The following NRXN1 variants were observed in gnomAD, a reference collection of about 807,000 sequenced individuals.
NRXN1 encodes the protein neurexin-1.
Under a neutral mutation model 150.9 loss-of-function variants are expected in NRXN1, and 39 were observed. The observed-to-expected ratio is 0.26, with a 90% confidence interval of 0.20 to 0.34. NRXN1 has a LOEUF of 0.34. Ranked by LOEUF, NRXN1 falls within the 10% of genes least tolerant of loss-of-function variation. The pLI is 1.00. For missense variants in NRXN1, 1,815 were observed against 1,949.9 expected, an observed-to-expected ratio of 0.93 and a Z score of 1.30; for synonymous variants, 924 against 757.0, an observed-to-expected ratio of 1.22 and a Z score of -3.62.
intron 2 of NRXN1, among the ~76,000 whole-genome samples, chr2:50,969,514 C>G (rs1175770031): frequency 6.6e-6 from 1 of 151,990 alleles, no homozygotes; most frequent in African/African-American, 2.4e-5. Flanking sequence ...GTATTAATAT[C>G]TTTCAGGAAA....
intron 21 of NRXN1, among the ~76,000 whole-genome samples, chr2:49,993,328 T>C (rs977939527): frequency 1.3e-5 from 2 of 152,218 alleles, no homozygotes; most frequent in South Asian, 4.1e-4. Flanking sequence ...TAATATGGTA[T>C]AATTCCAACC....
At chr2:50,365,915 G>C (rs2079547596) in intron 17 of NRXN1, among the ~76,000 whole-genome samples, 1 of 152,022 alleles carries the variant, frequency 6.6e-6, no homozygotes, top group South Asian at 2.1e-4. Context: ...AATAGAATAA[G>C]GAACTATGCA....
At chr2:50,058,234 G>T (rs1476532457) in intron 19 of NRXN1, among the ~76,000 whole-genome samples, 2 of 152,108 alleles carry the variant, frequency 1.3e-5, no homozygotes, top group East Asian at 3.9e-4. Flanking sequence ...AATTCCCAAT[G>T]ATTAACAGAG....
chr2:50,622,522 T>G (rs1680215045), intron 6 of NRXN1, among the ~76,000 whole-genome samples: 1 of 152,170 alleles, frequency 6.6e-6, no homozygotes, highest in Admixed American at 6.5e-5. Flanking sequence ...TACCCAAAAC[T>G]TATAATGTTC....
chr2:49,987,819 TA>T (rs1681194573), intron 21 of NRXN1, among the ~76,000 whole-genome samples: 1 of 152,044 alleles, frequency 6.6e-6, no homozygotes, highest in African/African-American at 2.4e-5. Flanking sequence ...CTAGAGAAGT[TA>T]TTATTATACA....
intron 18 of NRXN1, among the ~76,000 whole-genome samples, chr2:50,226,970 T>A (rs1183539026): frequency 6.6e-6 from 1 of 152,006 alleles, no homozygotes; most frequent in Non-Finnish European, 1.5e-5. Flanking sequence ...TCTAGGCTCA[T>A]GCTGGGCTCT....
intron 5 of NRXN1, among the ~76,000 whole-genome samples, chr2:50,905,601 T>G (rs1226973966): frequency 6.6e-6 from 1 of 152,104 alleles, no homozygotes; most frequent in Admixed American, 6.6e-5. Context: ...CCAATATTTC[T>G]AATGACACTG....
chr2:49,931,576 T>G (rs569764444), intron 22 of NRXN1, among the ~76,000 whole-genome samples: 4 of 152,092 alleles, frequency 2.6e-5, no homozygotes, highest in African/African-American at 9.6e-5. Context: ...GTCCTGTTGC[T>G]ATTGGAATTG....
intron 2 of NRXN1, among the ~76,000 whole-genome samples, chr2:50,976,217 A>C (rs1344827978): frequency 2.0e-5 from 3 of 149,356 alleles, no homozygotes; most frequent in African/African-American, 7.4e-5. Context: ...TTTCTTAGAA[A>C]CTCACTAGGT....
At chr2:50,820,173 G>A (rs979931760) in intron 5 of NRXN1, among the ~76,000 whole-genome samples, 1 of 151,940 alleles carries the variant, frequency 6.6e-6, no homozygotes, top group Admixed American at 6.6e-5. Flanking sequence ...AAATTGCTCT[G>A]GACCATCCTG....
At chr2:49,954,093 T>G (rs1277218488) in intron 21 of NRXN1, among the ~76,000 whole-genome samples, 1 of 152,164 alleles carries the variant, frequency 6.6e-6, no homozygotes, top group African/African-American at 2.4e-5. Flanking sequence ...CTCCGGATAG[T>G]GCTTGAAGAG....
intron 5 of NRXN1, among the ~76,000 whole-genome samples, chr2:50,656,651 C>G (rs2104603539): frequency 6.6e-6 from 1 of 151,946 alleles, no homozygotes; most frequent in South Asian, 2.1e-4. Flanking sequence ...TCATCACCAC[C>G]ATTAATTTCA....
chr2:50,219,555 T>C (rs1358015790), intron 18 of NRXN1, among the ~76,000 whole-genome samples: 3 of 151,692 alleles, frequency 2.0e-5, no homozygotes, highest in Non-Finnish European at 2.9e-5. Flanking sequence ...AACAAACACA[T>C]CAACTTTACA....
At chr2:50,728,723 T>C (rs888199812) in intron 5 of NRXN1, among the ~76,000 whole-genome samples, 14 of 152,136 alleles carry the variant, frequency 9.2e-5, no homozygotes, top group African/African-American at 2.9e-4. Flanking sequence ...ACTTGCATCA[T>C]TGTTCTGGAG....
chr2:50,296,534 T>TATCATC (rs1553401502), intron 17 of NRXN1, among the ~76,000 whole-genome samples: 3 of 150,916 alleles, frequency 2.0e-5, no homozygotes, highest in African/African-American at 7.3e-5. Context: ...TTATTATTAT[T>TATCATC]ATCATTATTA....
chr2:50,264,100 C>T lies in NRXN1; in HGVS notation c.3365-27130G>A, dbSNP rs547071269. ...TATGGGAAATGATTACTATCTTATGCAGTAGGACTGTGCAATCTAAGACTT... is the reference window on the plus strand; with the variant it reads ...TATGGGAAATGATTACTATCTTATGTAGTAGGACTGTGCAATCTAAGACTT... On this transcript the variant is annotated intron_variant, in intron 17 of 22. Coordinates refer to ENST00000401669, the MANE Select transcript of NRXN1 (RefSeq NM_001330078.2). 1.0e-3 allele frequency among the ~76,000 whole-genome samples: 153 copies of T among 152,200 alleles called. 5 individuals are homozygous for T. The South Asian group carries it at 0.023, about 23-fold the overall frequency.
chr2:50,765,698 A>C (rs937196440), intron 5 of NRXN1, among the ~76,000 whole-genome samples: 1 of 152,062 alleles, frequency 6.6e-6, no homozygotes, highest in Non-Finnish European at 1.5e-5. Flanking sequence ...TTGCGCAGTA[A>C]TTCAGCCATG....
chr2:50,870,924 C>T (rs1445723889), intron 5 of NRXN1, among the ~76,000 whole-genome samples: 2 of 151,894 alleles, frequency 1.3e-5, no homozygotes, highest in Non-Finnish European at 2.9e-5. Flanking sequence ...TAAATAAAAT[C>T]TCAATATATT....
chr2:50,786,019 C>T (rs145482833), intron 5 of NRXN1, among the ~76,000 whole-genome samples: 1 of 152,136 alleles, frequency 6.6e-6, no homozygotes, highest in East Asian at 1.9e-4. Context: ...TTTTCACTTG[C>T]ACTCTAAAAC....
Sources: allele counts gnomAD v4.1 joint callset (sites outside exome capture counted in the v4.1 genomes callset), GRCh38; gene constraint gnomAD v4.1.1; transcripts MANE v1.5; gene names NCBI Gene and HGNC (gene_info 2026-07-23, HGNC 2026-07-21).